ZNRF1: variants seen among roughly 807,000 people sequenced by gnomAD.
The protein encoded by ZNRF1 is E3 ubiquitin-protein ligase ZNRF1.
Under a neutral mutation model 18.4 loss-of-function variants are expected in ZNRF1, and 3 were observed. That is an observed-to-expected ratio of 0.16 (90% CI 0.07 to 0.42). ZNRF1 has a LOEUF of 0.42. Ranked by LOEUF, ZNRF1 falls within the 10% of genes least tolerant of loss-of-function variation. ZNRF1 has a pLI of 0.99. For missense variants in ZNRF1, 310 were observed against 329.8 expected, an observed-to-expected ratio of 0.94 and a Z score of 0.47; for synonymous variants, 157 against 144.2, an observed-to-expected ratio of 1.09 and a Z score of -0.64.
chr16:75,049,599 C>T (rs1209064539), intron 1 of ZNRF1, among the ~76,000 whole-genome samples: 1 of 152,176 alleles, frequency 6.6e-6, no homozygotes, highest in Non-Finnish European at 1.5e-5. Flanking sequence ...GAGTTAGAGA[C>T]CAACCTGGGC....
chr16:75,093,701 G>C, intron 2 of ZNRF1, 34 bp downstream of exon 2: 2 of 1,576,378 alleles, frequency 1.3e-6, no homozygotes, highest in Middle Eastern at 1.7e-4. Flanking sequence ...AGCCTCCAGA[G>C]CATCCGTCGG....
chr16:75,105,975 T>G, intron 3 of ZNRF1: 1 of 155,374 alleles, frequency 6.4e-6, no homozygotes, highest in Admixed American at 6.3e-5. Context: ...CTTGGGGCTC[T>G]CCTAAGAGGT....
In ZNRF1 at chr16:75,104,866, C is replaced by T; in HGVS notation, c.603C>T (p.Pro201=). The part of the protein sequence containing the change: ...LLQGDTIARL[P]CLCIYHKSCI... ...AGGGGGACACGATAGCCAGGCTGCCCTGCCTGTGCATCTATCACAAAAGGT... is the reference window on the plus strand; with the variant it reads ...AGGGGGACACGATAGCCAGGCTGCCTTGCCTGTGCATCTATCACAAAAGGT... Residue 201 remains proline, a synonymous_variant, in exon 3 of 5, where the codon CCC becomes CCT. Coordinates refer to ENST00000335325, the MANE Select transcript of ZNRF1 (RefSeq NM_032268.5). 6.2e-7 allele frequency: 1 copy of T among 1,607,240 alleles called. No homozygotes were observed. The highest frequency in any genetic ancestry group is 1.7e-5 in the Admixed American group (1 of 58,886).
At chr16:75,069,996 C>A (rs1199829936) in intron 1 of ZNRF1, among the ~76,000 whole-genome samples, 1 of 152,222 alleles carries the variant, frequency 6.6e-6, no homozygotes, top group African/African-American at 2.4e-5. Flanking sequence ...CCCTAAATCT[C>A]TGACTTCTAA....
At chr16:75,061,400 T>C (rs2035742036) in intron 1 of ZNRF1, among the ~76,000 whole-genome samples, 1 of 152,074 alleles carries the variant, frequency 6.6e-6, no homozygotes, top group South Asian at 2.1e-4. Flanking sequence ...AGTGAGAACA[T>C]ATGATGTTTA....
At chr16:75,057,859 G>A (rs1347120495) in intron 1 of ZNRF1, among the ~76,000 whole-genome samples, 2 of 152,020 alleles carry the variant, frequency 1.3e-5, no homozygotes, top group Non-Finnish European at 2.9e-5. Flanking sequence ...CAGGTTGGTC[G>A]TGAACTCTTG....
intron 1 of ZNRF1, among the ~76,000 whole-genome samples, chr16:75,079,015 T>G (rs895492025): frequency 6.6e-6 from 1 of 152,212 alleles, no homozygotes; most frequent in African/African-American, 2.4e-5. Flanking sequence ...ACTCCCAACC[T>G]TCTCCTTCTC....
chr16:75,011,397 T>G (rs1164661146), intron 1 of ZNRF1, among the ~76,000 whole-genome samples: 1 of 152,194 alleles, frequency 6.6e-6, no homozygotes, highest in Non-Finnish European at 1.5e-5. Flanking sequence ...ATTTTTTAAC[T>G]AAAAACAAAC....
intron 1 of ZNRF1, among the ~76,000 whole-genome samples, chr16:75,027,850 G>C (rs1325122616): frequency 1.3e-5 from 2 of 152,152 alleles, no homozygotes; most frequent in Non-Finnish European, 2.9e-5. Flanking sequence ...TGGGAATCCT[G>C]CTGTATTTCC....
intron 1 of ZNRF1, among the ~76,000 whole-genome samples, chr16:75,085,784 G>A (rs1361675516): frequency 2.5e-5 from 3 of 122,132 alleles, no homozygotes; most frequent in Non-Finnish European, 5.0e-5. Context: ...AAACAGATCC[G>A]ACAGAGTGAG....
chr16:75,106,915 G>A, intron 4 of ZNRF1: 1 of 248,100 alleles, frequency 4.0e-6, no homozygotes, highest in Non-Finnish European at 8.2e-6. Context: ...TTTGTGCCTG[G>A]CTTGGCCTCA....
chr16:75,059,620 A>G (rs919506289), intron 1 of ZNRF1, among the ~76,000 whole-genome samples: 4 of 152,078 alleles, frequency 2.6e-5, no homozygotes, highest in East Asian at 1.9e-4. Context: ...TCAGCCATCA[A>G]AAAGACTCCC....
intron 1 of ZNRF1, among the ~76,000 whole-genome samples, chr16:75,085,815 A>AGAGAGAGAGAGAGAGAGAGAGAGT (rs889805907): frequency 6.8e-6 from 1 of 146,728 alleles, no homozygotes; most frequent in African/African-American, 2.7e-5. Flanking sequence ...AGAGAGAGAG[A>AGAGAGAGAGAGAGAGAGAGAGAGT]GAGTGAGTGT....
At position 75,108,259 on chromosome 16, in the gene ZNRF1, T is replaced by C; in HGVS notation, c.*559T>C. On this transcript the variant is annotated 3_prime_UTR_variant, in exon 5 of 5. Transcript: ENST00000335325. ...TCTATTTTTCTGGCTGGTTTTTTGC[T>C]CTTTTCTCCCCTTGAGACCCTAATA... 1 of 250,808 alleles carries C rather than the reference T, an allele frequency of 4.0e-6. No homozygotes were observed. Among genetic ancestry groups the C allele is most frequent in the East Asian group, 7.9e-5 (1 of 12,584 alleles). 15.5% of individuals were successfully genotyped at this position (250,808 alleles called of 1,614,324 possible). A position where few individuals can be genotyped will look rare whatever the true frequency, so the allele number is the denominator to read the frequency against.
chr16:75,058,261 C>T (rs2035693600), intron 1 of ZNRF1, among the ~76,000 whole-genome samples: 1 of 152,058 alleles, frequency 6.6e-6, no homozygotes, highest in Admixed American at 6.6e-5. Flanking sequence ...CCACAATGGA[C>T]GCTCCTTTGC....
Position 75,033,205 on chromosome 16 carries a change from G to T in ZNRF1, c.424+33110G>T, listed in dbSNP as rs148131048. Among the ~76,000 whole-genome samples, 1,039 of 144,522 alleles carry T rather than the reference G, an allele frequency of 7.2e-3. 11 individuals are homozygous for T. Among genetic ancestry groups the T allele is most frequent in the African/African-American group, 0.025 (980 of 38,920 alleles). 94.8% of individuals were successfully genotyped at this position (144,522 alleles called of 152,430 possible). A position where few individuals can be genotyped will look rare whatever the true frequency, so the allele number is the denominator to read the frequency against. ...TTCTTTTTTTAAATTCTTATTTAGG[G>T]TATTCTCAGGCTTTCAAATTTCCAT... On this transcript the variant is annotated intron_variant, in intron 1 of 4. Transcript: ENST00000335325.
intron 1 of ZNRF1, among the ~76,000 whole-genome samples, chr16:75,035,814 C>G (rs923457556): frequency 2.6e-5 from 4 of 152,126 alleles, no homozygotes; most frequent in African/African-American, 9.7e-5. Flanking sequence ...GTGCACATGC[C>G]CACTTGAGGC....
intron 1 of ZNRF1, among the ~76,000 whole-genome samples, chr16:75,045,966 G>C (rs183688909): frequency 1.3e-5 from 2 of 151,878 alleles, no homozygotes; most frequent in East Asian, 3.9e-4. Context: ...ACAATGGCAC[G>C]ATCTCAGCTC....
chr16:75,029,399 C>T lies in ZNRF1; in HGVS notation c.424+29304C>T, dbSNP rs181873340. Reference sequence around the variant, plus strand: ...TCCTGACCTTGTGATTCGCCTGCCTCGGCTTCCCAAAGTGCTGGGATTACA... The same window carrying T: ...TCCTGACCTTGTGATTCGCCTGCCTTGGCTTCCCAAAGTGCTGGGATTACA... On this transcript the variant is annotated intron_variant, in intron 1 of 4. Transcript: ENST00000335325. 3.6e-3 allele frequency among the ~76,000 whole-genome samples: 547 copies of T among 152,198 alleles called. 2 individuals carry two copies. The highest frequency in any genetic ancestry group is 4.0e-3 in the South Asian group (19 of 4,808).
Sources: gnomAD v4.1 joint callset for allele counts (sites outside exome capture counted in the v4.1 genomes callset) on GRCh38, gnomAD v4.1.1 for gene constraint, MANE v1.5 for transcripts, NCBI Gene and HGNC (gene_info 2026-07-23, HGNC 2026-07-21) for gene names.